Variants in WDPCP observed in about 807,000 individuals in gnomAD.
WDPCP encodes the protein WD repeat containing planar cell polarity effector, also known as WD repeat-containing and planar cell polarity effector protein fritz homolog.
A neutral mutation model predicts 93.1 loss-of-function variants in WDPCP; 71 were observed. That is an observed-to-expected ratio of 0.76 (90% CI 0.63 to 0.93). The LOEUF is 0.93. Ranked by LOEUF, WDPCP falls within the 40% of genes least tolerant of loss-of-function variation. The pLI is 0.00. For missense variants in WDPCP, 844 were observed against 887.4 expected, an observed-to-expected ratio of 0.95 and a Z score of 0.62; for synonymous variants, 315 against 315.0, an observed-to-expected ratio of 1.00 and a Z score of 0.00.
intron 2 of WDPCP, among the ~76,000 whole-genome samples, chr2:63,662,435 G>A (rs564032124): frequency 3.9e-5 from 6 of 152,192 alleles, no homozygotes; most frequent in African/African-American, 1.4e-4. Flanking sequence ...CAGAAAACAC[G>A]AGATTTCTGG....
intron 2 of WDPCP, among the ~76,000 whole-genome samples, chr2:63,780,795 C>G (rs1171549874): frequency 6.6e-6 from 1 of 152,154 alleles, no homozygotes; most frequent in South Asian, 2.1e-4. Flanking sequence ...ATTATGGTAA[C>G]TAACTTCAGG....
chr2:63,532,368 A>G (rs112166050), intron 1 of WDPCP, among the ~76,000 whole-genome samples: 139 of 152,320 alleles, frequency 9.1e-4, no homozygotes, highest in African/African-American at 3.1e-3. Context: ...GAATGCCACA[A>G]AGATACTCCT....
chr2:63,518,365 C>T (rs1345704537), intron 1 of WDPCP: 2 of 152,360 alleles, frequency 1.3e-5, no homozygotes, highest in Admixed American at 6.5e-5. Flanking sequence ...ACACCAGGAC[C>T]TGTTCCTGGT....
intron 2 of WDPCP, among the ~76,000 whole-genome samples, chr2:63,665,787 G>A (rs1710276122): frequency 6.6e-6 from 1 of 152,220 alleles, no homozygotes; most frequent in Non-Finnish European, 1.5e-5. Context: ...CTTAGGGGAG[G>A]ACATGAGGGA....
At chr2:63,599,684 T>G (rs1018279033) in intron 3 of WDPCP, 1 of 152,578 alleles carries the variant, frequency 6.6e-6, no homozygotes, top group Non-Finnish European at 1.5e-5. Flanking sequence ...TGTGTGGTTC[T>G]GCTTCTATTT....
chr2:63,809,262 G>A (rs1670822801), intron 2 of WDPCP, among the ~76,000 whole-genome samples: 1 of 151,286 alleles, frequency 6.6e-6, no homozygotes, highest in African/African-American at 2.4e-5. Context: ...CCTCTGCCCA[G>A]CCAGCCGCCC....
chr2:63,130,629 T>G (rs1275122140), intron 17 of WDPCP, among the ~76,000 whole-genome samples: 3 of 151,012 alleles, frequency 2.0e-5, no homozygotes, highest in East Asian at 3.9e-4. Flanking sequence ...GGATGAGTAT[T>G]TTTTTTTTCT....
At chr2:63,518,732 C>T (rs1236755579) in intron 1 of WDPCP, 1 of 153,164 alleles carries the variant, frequency 6.5e-6, no homozygotes, top group African/African-American at 2.4e-5. Context: ...TTCACCTGGC[C>T]TCTCCTGGGG....
chr2:63,529,524 T>C (rs1380951684), intron 1 of WDPCP, among the ~76,000 whole-genome samples: 1 of 152,190 alleles, frequency 6.6e-6, no homozygotes, highest in Non-Finnish European at 1.5e-5. Flanking sequence ...CGGTTACTGA[T>C]TTGCATATGT....
chr2:63,152,430 C>G (rs763564865), intron 17 of WDPCP, among the ~76,000 whole-genome samples: 9 of 152,016 alleles, frequency 5.9e-5, no homozygotes, highest in Non-Finnish European at 2.9e-5. Flanking sequence ...GCAGCCGCCA[C>G]ACCTGGCTAA....
At chr2:63,828,518 G>A (rs541424444), upstream of WDPCP, among the ~76,000 whole-genome samples, 7 of 152,096 alleles carry the variant, frequency 4.6e-5, no homozygotes, top group Admixed American at 1.3e-4. Context: ...TACCTAGAAC[G>A]GTGCCTAAGG....
chr2:63,227,147 A>G (rs780789849), intron 14 of WDPCP, among the ~76,000 whole-genome samples: 1 of 151,990 alleles, frequency 6.6e-6, no homozygotes, highest in Non-Finnish European at 1.5e-5. Context: ...TTATTTAGCT[A>G]TGATAAGCAA....
rs566118950 is a variant in WDPCP at position 63,376,907 on chromosome 2, T to C, written c.1748+1479A>G. On this transcript the variant is annotated intron_variant, in intron 12 of 17. Coordinates refer to ENST00000272321, the MANE Select transcript of WDPCP (RefSeq NM_015910.7). Reference sequence around the variant, plus strand: ...AGACTTCAAAATGCCACTTTATATATAAAAATCTAATGATAGAACATGAAT... The same window carrying C: ...AGACTTCAAAATGCCACTTTATATACAAAAATCTAATGATAGAACATGAAT... Among the ~76,000 whole-genome samples the C allele has an allele frequency of 9.2e-5, 14 of 151,932 alleles. No individual in the cohort carries two copies. In the South Asian group the frequency reaches 1.0e-3, roughly 11 times the overall value.
chr2:63,345,140 C>A (rs986012126), intron 12 of WDPCP, among the ~76,000 whole-genome samples: 1 of 152,088 alleles, frequency 6.6e-6, no homozygotes, highest in Non-Finnish European at 1.5e-5. Flanking sequence ...ATTTATAAAC[C>A]GCAGTGTGGC....
At chr2:63,185,924 C>A (rs181011464) in intron 14 of WDPCP, among the ~76,000 whole-genome samples, 23 of 151,180 alleles carry the variant, frequency 1.5e-4, no homozygotes, top group East Asian at 5.8e-4. Flanking sequence ...CCGGCCCCCC[C>A]ACCTCCCAAA....
At chr2:63,682,767 A>G (rs1356709540) in intron 2 of WDPCP, among the ~76,000 whole-genome samples, 1 of 152,182 alleles carries the variant, frequency 6.6e-6, no homozygotes, top group Non-Finnish European at 1.5e-5. Context: ...AAAAGCAGCA[A>G]GAGAAAAGAA....
intron 2 of WDPCP, among the ~76,000 whole-genome samples, chr2:63,745,637 C>T (rs901579981): frequency 9.1e-4 from 70 of 76,928 alleles, no homozygotes; most frequent in African/African-American, 2.2e-3. Flanking sequence ...TGCGCATGCA[C>T]GCACTTACAC....
intron 2 of WDPCP, among the ~76,000 whole-genome samples, chr2:63,675,570 C>T (rs776515621): frequency 1.3e-5 from 2 of 152,094 alleles, no homozygotes; most frequent in African/African-American, 2.4e-5. Flanking sequence ...TGTTGTCATG[C>T]ACTCCTTTCA....
chr2:63,691,770 C>G (rs917827085), intron 2 of WDPCP, among the ~76,000 whole-genome samples: 3 of 151,954 alleles, frequency 2.0e-5, no homozygotes, highest in Non-Finnish European at 2.9e-5. Context: ...AAAAATGTAA[C>G]TGACATACAA....
Sources: gnomAD v4.1 joint callset for allele counts (sites outside exome capture counted in the v4.1 genomes callset) on GRCh38, gnomAD v4.1.1 for gene constraint, MANE v1.5 for transcripts, NCBI Gene and HGNC (gene_info 2026-07-23, HGNC 2026-07-21) for gene names.